MAGI2: variants seen among roughly 807,000 people sequenced by gnomAD.
MAGI2 encodes the protein membrane-associated guanylate kinase, WW and PDZ domain-containing protein 2.
A neutral mutation model predicts 133.3 loss-of-function variants in MAGI2; 35 were observed. The observed-to-expected ratio is 0.26, with a 90% CI of 0.20 to 0.35. MAGI2 has a LOEUF of 0.35. MAGI2 is among the 10% of genes least tolerant of loss of function. The pLI is 1.00. For missense variants in MAGI2, 1,636 were observed against 1,863.4 expected, an observed-to-expected ratio of 0.88 and a Z score of 2.25; for synonymous variants, 729 against 710.6, an observed-to-expected ratio of 1.03 and a Z score of -0.41.
At chr7:78,759,218 T>TA (rs568698060) in intron 2 of MAGI2, among the ~76,000 whole-genome samples, 3,508 of 151,398 alleles carry the variant, frequency 0.023, 122 homozygotes, top group African/African-American at 0.077. Flanking sequence ...TCAGAAATAA[T>TA]AAAAAAAAAC....
At chr7:79,404,903 G>C (rs1207115548) in intron 1 of MAGI2, among the ~76,000 whole-genome samples, 1 of 152,120 alleles carries the variant, frequency 6.6e-6, no homozygotes, top group Non-Finnish European at 1.5e-5. Context: ...GCCCAAAGGA[G>C]ACCAAAGGAG....
intron 9 of MAGI2, among the ~76,000 whole-genome samples, chr7:78,299,205 C>A (rs956436769): frequency 1.2e-4 from 18 of 152,152 alleles, no homozygotes; most frequent in African/African-American, 4.3e-4. Flanking sequence ...AATTCTGAAT[C>A]CTACCACATC....
At chr7:78,891,461 T>C (rs1796741900) in intron 2 of MAGI2, among the ~76,000 whole-genome samples, 1 of 152,150 alleles carries the variant, frequency 6.6e-6, no homozygotes, top group Non-Finnish European at 1.5e-5. Context: ...CTGATGAACA[T>C]CGATGCAAAC....
intron 2 of MAGI2, among the ~76,000 whole-genome samples, chr7:78,948,611 A>C (rs980417927): frequency 9.9e-5 from 15 of 152,086 alleles, no homozygotes; most frequent in African/African-American, 3.4e-4. Flanking sequence ...CATTTTATAG[A>C]ACGACATTAG....
chr7:78,956,277 G>A (rs1373691368), intron 2 of MAGI2, among the ~76,000 whole-genome samples: 1 of 152,110 alleles, frequency 6.6e-6, no homozygotes, highest in Non-Finnish European at 1.5e-5. Flanking sequence ...TTTGCATTAT[G>A]TTAATAAATG....
chr7:79,149,543 C>A (rs1447623881), intron 1 of MAGI2, among the ~76,000 whole-genome samples: 1 of 152,126 alleles, frequency 6.6e-6, no homozygotes, highest in Non-Finnish European at 1.5e-5. Flanking sequence ...CCATGATTTT[C>A]ATTTCCTTCA....
intron 6 of MAGI2, among the ~76,000 whole-genome samples, chr7:78,472,696 G>A (rs1395716612): frequency 1.3e-5 from 2 of 152,112 alleles, no homozygotes; most frequent in African/African-American, 4.8e-5. Flanking sequence ...AATGTTGGGA[G>A]AGCACTCAAG....
chr7:78,212,395 G>T (rs554633742), intron 10 of MAGI2, among the ~76,000 whole-genome samples: 3 of 152,168 alleles, frequency 2.0e-5, no homozygotes, highest in African/African-American at 7.2e-5. Flanking sequence ...GAGAGGAAAC[G>T]TTCCTGGCTG....
chr7:78,778,416 A>G lies in MAGI2; in HGVS notation c.419-151177T>C, dbSNP rs189951898. 7.2e-5 allele frequency among the ~76,000 whole-genome samples: 11 copies of G among 152,322 alleles called. No individual in the cohort carries two copies. The East Asian group carries it at 2.1e-3, about 29-fold the overall frequency. Reference sequence around the variant, plus strand: ...TTCAGTAGAATAAACTGTGCAAATTAGTATGTGTTATCTAAAGTAGGGCTA... The same window carrying G: ...TTCAGTAGAATAAACTGTGCAAATTGGTATGTGTTATCTAAAGTAGGGCTA... On this transcript the variant is annotated intron_variant, in intron 2 of 21. Coordinates refer to ENST00000354212, the MANE Select transcript of MAGI2 (RefSeq NM_012301.4).
intron 2 of MAGI2, among the ~76,000 whole-genome samples, chr7:78,822,071 C>A (rs1009285480): frequency 6.6e-6 from 1 of 151,908 alleles, no homozygotes; most frequent in African/African-American, 2.4e-5. Context: ...ACAGAACTGA[C>A]CATATATTGA....
chr7:78,237,394 C>G (rs1852008), intron 10 of MAGI2, among the ~76,000 whole-genome samples: 2 of 151,984 alleles, frequency 1.3e-5, no homozygotes, highest in African/African-American at 2.4e-5. Context: ...GCTTCTAGTC[C>G]TGGTTCTTTT....
intron 3 of MAGI2, among the ~76,000 whole-genome samples, chr7:78,563,858 T>C (rs1211274812): frequency 6.6e-6 from 1 of 152,182 alleles, no homozygotes; most frequent in Non-Finnish European, 1.5e-5. Flanking sequence ...AATCAATCCA[T>C]AGTATCTTAT....
At chr7:78,963,326 C>T (rs532996945) in intron 2 of MAGI2, among the ~76,000 whole-genome samples, 1 of 152,232 alleles carries the variant, frequency 6.6e-6, no homozygotes, top group East Asian at 1.9e-4. Flanking sequence ...AGCACTTTAT[C>T]TGGCAAGCTT....
chr7:78,440,191 C>T (rs1362800309), intron 6 of MAGI2, among the ~76,000 whole-genome samples: 1 of 152,082 alleles, frequency 6.6e-6, no homozygotes, highest in Non-Finnish European at 1.5e-5. Flanking sequence ...CTCGATAAAG[C>T]TAAGGCTTGA....
At chr7:78,225,376 G>T (rs891338916) in intron 10 of MAGI2, among the ~76,000 whole-genome samples, 2 of 151,688 alleles carry the variant, frequency 1.3e-5, no homozygotes, top group African/African-American at 2.4e-5. Flanking sequence ...TTGAGACAGG[G>T]TCTTGCTCTA....
At chr7:79,100,196 G>A (rs967484696) in intron 1 of MAGI2, among the ~76,000 whole-genome samples, 5 of 151,692 alleles carry the variant, frequency 3.3e-5, no homozygotes, top group African/African-American at 1.2e-4. Flanking sequence ...TATTATTTTA[G>A]TATTAGCCAT....
At chr7:79,029,114 A>G (rs1025216408) in intron 1 of MAGI2, among the ~76,000 whole-genome samples, 3 of 152,202 alleles carry the variant, frequency 2.0e-5, no homozygotes, top group African/African-American at 4.8e-5. Flanking sequence ...ACTACTTAAA[A>G]TCATACTATG....
intron 1 of MAGI2, among the ~76,000 whole-genome samples, chr7:79,185,480 A>G (rs765301751): frequency 2.0e-5 from 3 of 149,850 alleles, no homozygotes; most frequent in Non-Finnish European, 4.4e-5. Flanking sequence ...CTTTCTTTTA[A>G]TTTGGAGCAT....
At chr7:78,944,742 C>T (rs13226856) in intron 2 of MAGI2, among the ~76,000 whole-genome samples, 11 of 105,776 alleles carry the variant, frequency 1.0e-4, no homozygotes, top group African/African-American at 3.4e-4. Flanking sequence ...TATTTATTTA[C>T]TTATTTATTT....
Sources: gnomAD v4.1 joint callset for allele counts (sites outside exome capture counted in the v4.1 genomes callset) on GRCh38, gnomAD v4.1.1 for gene constraint, MANE v1.5 for transcripts, NCBI Gene and HGNC (gene_info 2026-07-23, HGNC 2026-07-21) for gene names.